SLC17A1: variants seen among roughly 807,000 people sequenced by gnomAD.
SLC17A1 encodes the protein sodium-dependent phosphate transport protein 1.
A neutral mutation model predicts 53.5 loss-of-function variants in SLC17A1; 51 were observed. That is an observed-to-expected ratio of 0.95 (90% CI 0.76 to 1.20). The LOEUF is 1.20. SLC17A1 is among the 50% of genes most tolerant of loss of function. The probability of loss-of-function intolerance (pLI) is 0.00; values close to 1 mark genes in which losing one functional copy is unlikely to be tolerated. For missense variants in SLC17A1, 538 were observed against 568.2 expected, an observed-to-expected ratio of 0.95 and a Z score of 0.54; for synonymous variants, 179 against 198.8, an observed-to-expected ratio of 0.90 and a Z score of 0.84.
chr6:25,798,823 G>C lies in SLC17A1; in HGVS notation c.1366C>G (p.Gln456Glu). Reference protein sequence around the residue: ...FYLIVATAEIQDWAKEKQHTR... With the variant: ...FYLIVATAEIEDWAKEKQHTR... Reference sequence around the variant, plus strand: ...TGTTGTTTTTCTTTAGCCCAGTCCTGAATTTCTGCTGTAGCAACTATAAGG... The same window carrying C: ...TGTTGTTTTTCTTTAGCCCAGTCCTCAATTTCTGCTGTAGCAACTATAAGG... The change falls in exon 12 of 13, where the codon CAG becomes GAG. Residue 456 changes from glutamine (Q) to glutamate (E), a missense_variant. Physicochemically the swap from Gln to Glu is conservative, Grantham distance 29 (BLOSUM62 2). Transcript: ENST00000244527. 6.2e-7 allele frequency: 1 copy of C among 1,609,842 alleles called. No individual in the cohort carries two copies. Among genetic ancestry groups the C allele is most frequent in the Non-Finnish European group, 8.5e-7 (1 of 1,177,332 alleles).
chr6:25,799,053 G>A (rs1020413916), intron 11 of SLC17A1, 134 bp from the exon 12 acceptor site: 12 of 670,356 alleles, frequency 1.8e-5, no homozygotes, highest in East Asian at 2.9e-5. Context: ...ATACATAGCC[G>A]AAAACGTCAT....
At chr6:25,780,104 C>T (rs1141034), downstream of SLC17A1, 41,484 of 152,088 alleles carry the variant, frequency 0.27, 6,878 homozygotes, top group East Asian at 0.68. Context: ...TAACCTCACT[C>T]CAAATGTCTG....
the SLC17A1 span, among the ~76,000 whole-genome samples, chr6:25,742,362 T>C: frequency 6.6e-6 from 1 of 152,088 alleles, no homozygotes; most frequent in Non-Finnish European, 1.5e-5. Context: ...AAACTTTTGT[T>C]ATAAAACCAA....
chr6:25,731,005 T>C, the SLC17A1 span, among the ~76,000 whole-genome samples: 2 of 152,288 alleles, frequency 1.3e-5, no homozygotes, highest in East Asian at 3.9e-4. Flanking sequence ...TGGACAACCA[T>C]GTGAATAGGG....
intron 12 of SLC17A1, among the ~76,000 whole-genome samples, chr6:25,789,349 A>G (rs1363656047): frequency 6.6e-6 from 1 of 152,262 alleles, no homozygotes; most frequent in Non-Finnish European, 1.5e-5. Context: ...TATGAGCTTT[A>G]CTAAAATAAA....
At chr6:25,753,453 T>G in the SLC17A1 span, among the ~76,000 whole-genome samples, 2 of 152,172 alleles carry the variant, frequency 1.3e-5, no homozygotes, top group Non-Finnish European at 2.9e-5. Context: ...TCCAACATTC[T>G]GCCTGCTATG....
chr6:25,827,830 C>A (rs1764807268), intron 2 of SLC17A1, among the ~76,000 whole-genome samples: 1 of 152,140 alleles, frequency 6.6e-6, no homozygotes, highest in Admixed American at 6.5e-5. Context: ...TAGAATTCTG[C>A]CTACTACAGT....
the SLC17A1 span, among the ~76,000 whole-genome samples, chr6:25,724,244 C>T: frequency 6.6e-6 from 1 of 152,220 alleles, no homozygotes; most frequent in East Asian, 1.9e-4. Context: ...GCCAACATGG[C>T]GAAACCCTGT....
chr6:25,814,432 A>C (rs1489177155), intron 6 of SLC17A1, among the ~76,000 whole-genome samples: 1 of 152,252 alleles, frequency 6.6e-6, no homozygotes, highest in East Asian at 1.9e-4. Context: ...ACTGAGACTC[A>C]GAAAGATCAA....
At chr6:25,770,480 T>A in the SLC17A1 span, 13 of 1,613,214 alleles carry the variant, frequency 8.1e-6, no homozygotes, top group Non-Finnish European at 1.1e-5. Context: ...AGGTAACTGG[T>A]ACCCTAAACC....
At chr6:25,804,374 C>T (rs1175870450) in intron 10 of SLC17A1, among the ~76,000 whole-genome samples, 1 of 151,982 alleles carries the variant, frequency 6.6e-6, no homozygotes, top group African/African-American at 2.4e-5. Flanking sequence ...ACTATCCCTA[C>T]AAGAAATGCT....
chr6:25,782,484 G>C (rs1035067348), downstream of SLC17A1, among the ~76,000 whole-genome samples: 1 of 152,192 alleles, frequency 6.6e-6, no homozygotes, highest in Non-Finnish European at 1.5e-5. Context: ...TGAATGAACA[G>C]CTCCAGAGTG....
the SLC17A1 span, chr6:25,777,244 G>A: frequency 2.8e-6 from 1 of 357,034 alleles, no homozygotes; most frequent in African/African-American, 2.1e-5. Flanking sequence ...TGCAGCACTT[G>A]CCTAAGGCGG....
downstream of SLC17A1, among the ~76,000 whole-genome samples, chr6:25,782,726 T>C (rs138184980): frequency 1.4e-3 from 217 of 152,296 alleles, no homozygotes; most frequent in African/African-American, 4.6e-3. Flanking sequence ...CACTTTTAGT[T>C]ATTTCTGAAA....
At chr6:25,764,824 C>T in the SLC17A1 span, among the ~76,000 whole-genome samples, 1 of 152,240 alleles carries the variant, frequency 6.6e-6, no homozygotes, top group Non-Finnish European at 1.5e-5. Flanking sequence ...AATTTAGCAT[C>T]AGGGGCCAGT....
chr6:25,830,498 T>C (rs1233398199), intron 2 of SLC17A1, 26 bp downstream of exon 2: 3 of 1,553,916 alleles, frequency 1.9e-6, no homozygotes, highest in Non-Finnish European at 2.7e-6. Flanking sequence ...AGAACACCTG[T>C]TTAATGGAAC....
the SLC17A1 span, among the ~76,000 whole-genome samples, chr6:25,744,142 T>C: frequency 1.3e-5 from 2 of 152,310 alleles, no homozygotes; most frequent in African/African-American, 4.8e-5. Flanking sequence ...GAGATATGAC[T>C]GGATGGCAGC....
the SLC17A1 span, chr6:25,731,771 C>G: frequency 6.4e-7 from 1 of 1,553,666 alleles, no homozygotes. Flanking sequence ...CATCTGCTGG[C>G]CCTATCATGT....
intron 12 of SLC17A1, 35 bp downstream of exon 12, chr6:25,798,748 T>C: frequency 6.4e-7 from 1 of 1,558,312 alleles, no homozygotes. Flanking sequence ...GCATTCCCAG[T>C]TTCAAAAATT....
Sources: gnomAD v4.1 joint callset for allele counts (sites outside exome capture counted in the v4.1 genomes callset) on GRCh38, gnomAD v4.1.1 for gene constraint, MANE v1.5 for transcripts, NCBI Gene and HGNC (gene_info 2026-07-23, HGNC 2026-07-21) for gene names.